PKN2: variants seen among roughly 807,000 people sequenced by gnomAD.
PKN2 encodes serine/threonine-protein kinase N2.
PKN2 carries 38 observed loss-of-function variants against 119.1 expected under a neutral mutation model. The ratio of observed to expected loss-of-function variants is 0.32; its 90% confidence interval spans 0.25 to 0.42. PKN2 has a LOEUF of 0.42. Among genes scored for constraint, PKN2 ranks in the 10% least tolerant of loss-of-function variants. The pLI, the probability that PKN2 is intolerant of heterozygous loss-of-function variation, is 1.00. For synonymous variants in PKN2, 390 were observed against 384.9 expected (o/e 1.01, Z -0.15); for missense variants, 850 against 1,165.1 (o/e 0.73, Z 3.94).
intron 19 of PKN2, chr1:88,829,274 A>G (rs770073079): frequency 2.3e-4 from 152 of 658,820 alleles, no homozygotes; most frequent in Non-Finnish European, 3.7e-4. Context: ...GAATGAAACC[A>G]ATGAGGTCAA....
chr1:88,685,903 A>G (rs1231051555), intron 1 of PKN2, among the ~76,000 whole-genome samples: 2 of 152,220 alleles, frequency 1.3e-5, no homozygotes, highest in East Asian at 3.8e-4. Flanking sequence ...AGTCAGACGT[A>G]AGCTTGAAAA....
chr1:88,771,050 C>T (rs889934830), intron 4 of PKN2, among the ~76,000 whole-genome samples: 5 of 151,822 alleles, frequency 3.3e-5, no homozygotes, highest in African/African-American at 1.2e-4. Context: ...AAATCTGTTA[C>T]CTGTTTAAGA....
chr1:88,788,514 C>T (rs1445779957), intron 8 of PKN2, among the ~76,000 whole-genome samples: 2 of 151,832 alleles, frequency 1.3e-5, no homozygotes, highest in Non-Finnish European at 2.9e-5. Context: ...GGCACAATCT[C>T]GGCTCATCGC....
At position 88,723,410 on chromosome 1, in the gene PKN2, GC is replaced by G. The variant is rs35424856; in HGVS notation, c.49-17568del. Among the ~76,000 whole-genome samples, 584 of 125,208 alleles carry G rather than the reference GC, an allele frequency of 4.7e-3. 14 individuals carry two copies. The highest frequency in any genetic ancestry group is 0.014 in the African/African-American group (468 of 32,672). 82.1% of individuals were successfully genotyped at this position (125,208 alleles called of 152,430 possible). On this transcript the variant is annotated intron_variant, in intron 1 of 21. Coordinates refer to ENST00000370521, the MANE Select transcript of PKN2 (RefSeq NM_006256.4). ...TTACAGGTGTAAGCCACCGTGCCCTGCCCCCCCCCCTTTTATTTATTTGTTT... is the reference window on the plus strand; with the variant it reads ...TTACAGGTGTAAGCCACCGTGCCCTGCCCCCCCCCTTTTATTTATTTGTTT...
At chr1:88,731,822 G>A (rs533151822) in intron 1 of PKN2, among the ~76,000 whole-genome samples, 15 of 152,272 alleles carry the variant, frequency 9.9e-5, no homozygotes, top group Non-Finnish European at 1.9e-4. Flanking sequence ...ACTTGGTCAC[G>A]AGTGACAGTC....
chr1:88,771,783 T>G lies in PKN2; in HGVS notation c.889T>G (p.Ser297Ala), dbSNP rs753843579. Residue 297 changes from serine to alanine, a missense_variant, in exon 6 of 22, where the codon TCA (serine) becomes GCA (alanine). By Grantham distance (99) the Ser-to-Ala change is moderately conservative (BLOSUM62 1). Coordinates refer to ENST00000370521, the MANE Select transcript of PKN2 (RefSeq NM_006256.4). ...PKSRIIIEEL[S>A]LVAASPTLSP... is the part of the protein sequence containing the mutation. ...AAGCAGGATTATTATTGAAGAACTTTCACTTGTTGCTGCATCACCAACACT... is the reference window on the plus strand; with the variant it reads ...AAGCAGGATTATTATTGAAGAACTTGCACTTGTTGCTGCATCACCAACACT... 4 of 1,613,824 alleles carry G rather than the reference T, an allele frequency of 2.5e-6. No individual in the cohort carries two copies. Among genetic ancestry groups the G allele is most frequent in the Non-Finnish European group, 8.5e-7 (1 of 1,179,882 alleles).
At chr1:88,744,031 A>C (rs1668674346) in intron 2 of PKN2, among the ~76,000 whole-genome samples, 1 of 152,188 alleles carries the variant, frequency 6.6e-6, no homozygotes, top group African/African-American at 2.4e-5. Context: ...CAAATGGCAT[A>C]TTTACACAAC....
At chr1:88,781,350 TAA>T (rs761888463) in intron 6 of PKN2, among the ~76,000 whole-genome samples, 2 of 151,794 alleles carry the variant, frequency 1.3e-5, no homozygotes, top group Admixed American at 6.6e-5. Flanking sequence ...TAGTTTTTTA[TAA>T]GAGGATATTT....
At chr1:88,818,484 C>G (rs1158620006) in intron 16 of PKN2, among the ~76,000 whole-genome samples, 1 of 151,604 alleles carries the variant, frequency 6.6e-6, no homozygotes, top group Non-Finnish European at 1.5e-5. Context: ...CCCGTCTCTA[C>G]TAAAAATACA....
chr1:88,826,722 C>G (rs1672513367), intron 18 of PKN2, among the ~76,000 whole-genome samples: 1 of 152,066 alleles, frequency 6.6e-6, no homozygotes, highest in Admixed American at 6.6e-5. Flanking sequence ...TAACAAATGA[C>G]AGAACTGGAA....
intron 1 of PKN2, among the ~76,000 whole-genome samples, chr1:88,724,023 A>C (rs1667798264): frequency 6.6e-6 from 1 of 152,182 alleles, no homozygotes. Flanking sequence ...ATAGAGATTT[A>C]GAGATTTGAG....
chr1:88,695,239 ACT>A (rs1666494668), intron 1 of PKN2, among the ~76,000 whole-genome samples: 1 of 152,124 alleles, frequency 6.6e-6, no homozygotes. Context: ...TATTAGCCTA[ACT>A]CTAACTTGCA....
At chr1:88,779,294 C>T (rs972857956) in intron 6 of PKN2, among the ~76,000 whole-genome samples, 14 of 151,778 alleles carry the variant, frequency 9.2e-5, no homozygotes, top group Non-Finnish European at 2.1e-4. Flanking sequence ...TTGTAGTAAA[C>T]CTTTGAATGT....
chr1:88,809,575 C>G (rs1039049418), intron 15 of PKN2, among the ~76,000 whole-genome samples: 1 of 152,172 alleles, frequency 6.6e-6, no homozygotes, highest in East Asian at 1.9e-4. Flanking sequence ...GTTTGGATCA[C>G]AGGATGATGC....
In PKN2 at chr1:88,836,091, T is replaced by C. The variant is rs1288700388; in HGVS notation, c.*2643T>C. The C allele has an allele frequency of 6.8e-6, 1 of 146,530 alleles. No homozygotes were observed. The highest frequency in any genetic ancestry group is 2.5e-5 in the African/African-American group (1 of 40,238). 9.1% of individuals were successfully genotyped at this position (146,530 alleles called of 1,614,324 possible). A position where few individuals can be genotyped will look rare whatever the true frequency, so the allele number is the denominator to read the frequency against. Reference sequence around the variant, plus strand: ...GTGTATAGATACTGAGAATAGGAAGTTTTTTTTTTTAAAGCAACAAAATGT... The same window carrying C: ...GTGTATAGATACTGAGAATAGGAAGCTTTTTTTTTTAAAGCAACAAAATGT... On this transcript the variant is annotated 3_prime_UTR_variant, in exon 22 of 22. Transcript: ENST00000370521.
intron 12 of PKN2, 190 bp downstream of exon 12, chr1:88,806,207 T>A (rs1570659172): frequency 1.8e-6 from 1 of 561,036 alleles, no homozygotes; most frequent in East Asian, 3.2e-5. Flanking sequence ...CAGGCTGGAG[T>A]GCAATGGCAT....
intron 16 of PKN2, among the ~76,000 whole-genome samples, chr1:88,816,204 T>G (rs1671984733): frequency 6.6e-6 from 1 of 152,140 alleles, no homozygotes; most frequent in African/African-American, 2.4e-5. Context: ...GCCACAAAAA[T>G]AAGTTTGCTA....
chr1:88,778,339 A>G (rs955937079), intron 6 of PKN2, among the ~76,000 whole-genome samples: 10 of 152,254 alleles, frequency 6.6e-5, no homozygotes, highest in Non-Finnish European at 1.3e-4. Flanking sequence ...TTCCTGAAGA[A>G]GAAAAGATTG....
In PKN2 at chr1:88,770,483, T is replaced by C. The variant is rs758255059; in HGVS notation, c.622+14T>C. The C allele has an allele frequency of 1.5e-6, 2 of 1,330,068 alleles. No individual in the cohort carries two copies. The highest frequency in any genetic ancestry group is 1.1e-6 in the Non-Finnish European group (1 of 920,720). 82.4% of individuals were successfully genotyped at this position (1,330,068 alleles called of 1,614,324 possible). ...CTTTTGATAATGGTGATGGAATAAA[T>C]TGTCCTCCTTCTTATGAGCATAATG... On this transcript the variant is annotated intron_variant, in intron 4 of 21. Transcript: ENST00000370521.
Sources: allele counts gnomAD v4.1 joint callset (sites outside exome capture counted in the v4.1 genomes callset), GRCh38; gene constraint gnomAD v4.1.1; transcripts MANE v1.5; gene names NCBI Gene and HGNC (gene_info 2026-07-23, HGNC 2026-07-21).